The following CSMD3 variants were observed in gnomAD, a reference collection of about 807,000 sequenced individuals.
The protein encoded by CSMD3 is CUB and sushi domain-containing protein 3.
In CSMD3, 177 loss-of-function variants were observed where a neutral mutation model predicts 435.2. The observed-to-expected ratio is 0.41, with a 90% confidence interval of 0.36 to 0.46. The LOEUF is 0.46. CSMD3 is among the 20% of genes least tolerant of loss of function. CSMD3 has a pLI of 0.34. For synonymous variants in CSMD3, 1,656 were observed against 1,520.5 expected, an observed-to-expected ratio of 1.09 and a Z score of -2.07; for missense variants, 4,265 against 4,504.6, an observed-to-expected ratio of 0.95 and a Z score of 1.52.
chr8:113,211,832 C>T (rs2092838453), intron 3 of CSMD3, among the ~76,000 whole-genome samples: 1 of 152,162 alleles, frequency 6.6e-6, no homozygotes, highest in Admixed American at 6.5e-5. Flanking sequence ...CATGCTACTT[C>T]TCTATGCTAA....
intron 22 of CSMD3, among the ~76,000 whole-genome samples, chr8:112,632,866 T>G (rs548522723): frequency 6.6e-6 from 1 of 152,072 alleles, no homozygotes; most frequent in Non-Finnish European, 1.5e-5. Context: ...GTTGGGTATT[T>G]GGTTGCCACT....
chr8:113,043,161 A>AT (rs1316878994), intron 5 of CSMD3, among the ~76,000 whole-genome samples: 1 of 152,218 alleles, frequency 6.6e-6, no homozygotes, highest in Non-Finnish European at 1.5e-5. Context: ...AAACACATAC[A>AT]TAATAGGTCA....
chr8:113,043,474 C>A (rs889073835), intron 5 of CSMD3, among the ~76,000 whole-genome samples: 4 of 152,158 alleles, frequency 2.6e-5, no homozygotes, highest in African/African-American at 9.6e-5. Context: ...AACTTCAGAG[C>A]TCAGTATCCT....
rs1032224403 is a variant in CSMD3 at position 113,345,776 on chromosome 8, T to C, written c.179-30983A>G. The stretch of plus-strand genomic sequence containing the variant: ...ATTCTAAACTTATTCCTATCTTCAG[T>C]TGAAGAGACAGGCACAGTAAGAAGA... On this transcript the variant is annotated intron_variant, in intron 1 of 70. Coordinates refer to ENST00000297405, the MANE Select transcript of CSMD3 (RefSeq NM_198123.2). 4.6e-5 allele frequency among the ~76,000 whole-genome samples: 7 copies of C among 152,158 alleles called. No homozygotes were observed. The East Asian group carries it at 1.2e-3, about 25-fold the overall frequency.
intron 1 of CSMD3, among the ~76,000 whole-genome samples, chr8:113,348,969 T>C (rs1025560960): frequency 6.6e-6 from 1 of 152,136 alleles, no homozygotes; most frequent in Non-Finnish European, 1.5e-5. Context: ...CTGAATAATG[T>C]TACTGGTTTA....
chr8:112,529,969 A>G (rs1825364171), intron 27 of CSMD3, among the ~76,000 whole-genome samples: 3 of 152,148 alleles, frequency 2.0e-5, no homozygotes, highest in Admixed American at 2.0e-4. Context: ...TAGAAAATAT[A>G]AGAAAGTACC....
At chr8:113,293,866 A>G (rs1274402105) in intron 2 of CSMD3, among the ~76,000 whole-genome samples, 1 of 152,168 alleles carries the variant, frequency 6.6e-6, no homozygotes, top group Admixed American at 6.6e-5. Context: ...TAAAATTAAT[A>G]GATAAATACT....
intron 10 of CSMD3, among the ~76,000 whole-genome samples, chr8:112,874,301 C>T (rs1320628278): frequency 6.6e-6 from 1 of 152,084 alleles, no homozygotes; most frequent in East Asian, 1.9e-4. Context: ...CGTTCTTTTA[C>T]ATTTGATGAG....
At chr8:112,554,800 T>G (rs1162418197) in intron 25 of CSMD3, among the ~76,000 whole-genome samples, 1 of 151,932 alleles carries the variant, frequency 6.6e-6, no homozygotes, top group Non-Finnish European at 1.5e-5. Context: ...CAAAAACTAA[T>G]TTTTGTTTCA....
At position 112,428,974 on chromosome 8, in the gene CSMD3, C is replaced by T. The variant is rs988693150; in HGVS notation, c.5396-19942G>A. Among the ~76,000 whole-genome samples, 21 of 152,164 alleles carry T rather than the reference C, an allele frequency of 1.4e-4. No individual in the cohort carries two copies. In the East Asian group the frequency reaches 3.7e-3, roughly 27 times the overall value. ...GTACAACATAATATTCTGAAGTTTA[C>T]ATGAATTGTGGAATTGTTGAACCCA... On this transcript the variant is annotated intron_variant, in intron 32 of 70. Coordinates refer to ENST00000297405, the MANE Select transcript of CSMD3 (RefSeq NM_198123.2).
chr8:113,082,563 T>C (rs1461402499), intron 5 of CSMD3, among the ~76,000 whole-genome samples: 2 of 151,886 alleles, frequency 1.3e-5, no homozygotes, highest in East Asian at 3.9e-4. Flanking sequence ...CAATATAGGG[T>C]CATAAGAAAC....
chr8:112,789,162 A>G (rs9643075), intron 13 of CSMD3, among the ~76,000 whole-genome samples: 50,547 of 151,946 alleles, frequency 0.33, 9,273 homozygotes, highest in African/African-American at 0.5. Flanking sequence ...GTGCTAAGAG[A>G]CCATCATCAG....
At position 112,494,508 on chromosome 8, in the gene CSMD3, T is replaced by C. The variant is rs1210557057; in HGVS notation, c.5084-1825A>G. On this transcript the variant is annotated intron_variant, in intron 30 of 70. Transcript: ENST00000297405. ...TTTCTTTCTCTCCTTTCTTTCTTTC[T>C]TTCTTTCTTTCTTTCTTTCTTTCTT... 3.0e-3 allele frequency among the ~76,000 whole-genome samples: 244 copies of C among 80,886 alleles called. 10 individuals are homozygous for C. Among genetic ancestry groups the C allele is most frequent in the African/African-American group, 8.2e-3 (196 of 23,852 alleles). 53.1% of individuals were successfully genotyped at this position (80,886 alleles called of 152,430 possible). A position where few individuals can be genotyped will look rare whatever the true frequency, so the allele number is the denominator to read the frequency against.
chr8:113,294,642 T>G (rs1462209069), intron 2 of CSMD3, among the ~76,000 whole-genome samples: 1 of 152,138 alleles, frequency 6.6e-6, no homozygotes, highest in African/African-American at 2.4e-5. Flanking sequence ...CACCTTGTTC[T>G]GAGTAGCTTC....
intron 35 of CSMD3, among the ~76,000 whole-genome samples, chr8:112,393,847 T>C (rs1191578653): frequency 6.6e-6 from 1 of 151,774 alleles, no homozygotes; most frequent in Non-Finnish European, 1.5e-5. Context: ...CAGAACACCA[T>C]ACTCTCCTGG....
chr8:112,382,800 G>A (rs902343847), intron 37 of CSMD3, among the ~76,000 whole-genome samples: 3 of 152,028 alleles, frequency 2.0e-5, no homozygotes, highest in Non-Finnish European at 4.4e-5. Context: ...GACCCGCCTC[G>A]CCAACATAGC....
At chr8:112,801,949 T>C (rs1204146598) in intron 12 of CSMD3, among the ~76,000 whole-genome samples, 1 of 152,106 alleles carries the variant, frequency 6.6e-6, no homozygotes, top group East Asian at 1.9e-4. Flanking sequence ...TTCATAATCC[T>C]GAACTGTTCT....
Position 112,985,698 on chromosome 8 carries a change from A to T in CSMD3, c.1031-9550T>A, listed in dbSNP as rs375832548. ...CCTACTGAGCTCTGCCACCTATCAG[A>T]TCAGTGGTGGCATTAGATTCTTATA... On this transcript the variant is annotated intron_variant, in intron 6 of 70. Coordinates refer to ENST00000297405, the MANE Select transcript of CSMD3 (RefSeq NM_198123.2). Among the ~76,000 whole-genome samples, 98 of 152,164 alleles carry T rather than the reference A, an allele frequency of 6.4e-4. No homozygotes were observed. In the South Asian group the frequency reaches 0.02, roughly 31 times the overall value.
At chr8:113,042,151 T>G (rs1432876048) in intron 5 of CSMD3, among the ~76,000 whole-genome samples, 1 of 152,190 alleles carries the variant, frequency 6.6e-6, no homozygotes, top group Non-Finnish European at 1.5e-5. Flanking sequence ...AATTTTTATG[T>G]CCACCTGCAT....
Sources: allele counts gnomAD v4.1 joint callset (sites outside exome capture counted in the v4.1 genomes callset), GRCh38; gene constraint gnomAD v4.1.1; transcripts MANE v1.5; gene names NCBI Gene and HGNC (gene_info 2026-07-23, HGNC 2026-07-21).